Variants in TESK1 observed in about 807,000 individuals in gnomAD.
The protein encoded by TESK1 is testis associated actin remodelling kinase 1.
In TESK1, 18 loss-of-function variants were observed where a neutral mutation model predicts 59.9. The ratio of observed to expected loss-of-function variants is 0.30; its 90% CI spans 0.21 to 0.45. TESK1 has a LOEUF of 0.45. Ranked by LOEUF, TESK1 falls within the 20% of genes least tolerant of loss-of-function variation. The pLI, the probability that TESK1 is intolerant of heterozygous loss-of-function variation, is 1.00. For synonymous variants in TESK1, 341 were observed against 357.4 expected (o/e 0.95, Z 0.52); for missense variants, 748 against 840.9 (o/e 0.89, Z 1.37).
chr9:35,609,897 TTCCA>T lies in TESK1; in HGVS notation c.*156_*159del. 1 of 898,198 alleles carries T rather than the reference TTCCA, an allele frequency of 1.1e-6. No homozygotes were observed. Among genetic ancestry groups the T allele is most frequent in the Non-Finnish European group, 1.6e-6 (1 of 623,578 alleles). 55.6% of individuals were successfully genotyped at this position (898,198 alleles called of 1,614,324 possible). The stretch of plus-strand genomic sequence containing the variant: ...AGCATGGACTCAAGGGACAGAGCAC[TTCCA>T]GTCGACCCCCCGGCTCGCGTTCCCG... On this transcript the variant is annotated 3_prime_UTR_variant, in exon 10 of 10. Transcript: ENST00000336395. This position sits in a 1 kb window ranked among gnomAD's most constrained non-coding sequence, Gnocchi z 6.7.
chr9:35,607,058 G>A lies in TESK1; in HGVS notation c.537+75G>A. On this transcript the variant is annotated intron_variant, in intron 4 of 9. Transcript: ENST00000336395. The surrounding 1 kb of genome is among the most constrained non-coding windows in gnomAD (Gnocchi z 4.5). ...GGTTGTAACTGGCCTGTGGATGTTG[G>A]AATATGGATAACAGATATATTAGGA... The A allele has an allele frequency of 2.0e-6, 3 of 1,472,630 alleles. No individual in the cohort carries two copies. The highest frequency in any genetic ancestry group is 2.7e-5 in the South Asian group (2 of 74,662). The allele number at this position is 1,472,630 out of a possible 1,614,324, so 91.2% of individuals were successfully genotyped here.
chr9:35,605,763 G>T lies in TESK1; in HGVS notation c.144G>T (p.Val48=), dbSNP rs369094741. The T allele has an allele frequency of 6.2e-7, 1 of 1,609,290 alleles. No individual in the cohort carries two copies. Among genetic ancestry groups the T allele is most frequent in the Non-Finnish European group, 8.5e-7 (1 of 1,178,466 alleles). Residue 48 remains valine (V), a synonymous_variant, in exon 1 of 10, where the codon GTG becomes GTT. Coordinates refer to ENST00000336395, the MANE Select transcript of TESK1 (RefSeq NM_006285.3). ...CCTACCGGGCTCTCCGCAGCGCCGT[G>T]TCTAGCCTGGCGCGTGTGGACGATT... is the stretch of plus-strand genomic sequence containing the variant. ...PSSYRALRSA[V]SSLARVDDFH... is the part of the protein sequence containing the mutation.
Position 35,607,498 on chromosome 9 carries a change from C to A in TESK1, c.621-84C>A. 2 of 1,582,360 alleles carry A rather than the reference C, an allele frequency of 1.3e-6. No individual in the cohort carries two copies. Among genetic ancestry groups the A allele is most frequent in the East Asian group, 4.5e-5 (2 of 44,670 alleles). On this transcript the variant is annotated intron_variant, in intron 5 of 9. Coordinates refer to ENST00000336395, the MANE Select transcript of TESK1 (RefSeq NM_006285.3). The surrounding 1 kb of genome is among the most constrained non-coding windows in gnomAD (Gnocchi z 4.5). Reference sequence around the variant, plus strand: ...CCCCAGGGATGTTTCCCTTGGGGAACGGAGGGAGTTCACCTCATCCCCTTT... The same window carrying A: ...CCCCAGGGATGTTTCCCTTGGGGAAAGGAGGGAGTTCACCTCATCCCCTTT...
At position 35,609,571 on chromosome 9, in the gene TESK1, C is replaced by G; in HGVS notation, c.1710C>G (p.Gly570=). ...CCGATGAGGGGCTGCCCTGTCCTGG[C>G]TGCTGCCTCGGCCCCTTCAGCTTTG... ...REPDEGLPCP[G]CCLGPFSFGF... Residue 570 remains glycine, a synonymous_variant, in exon 10 of 10, where the codon GGC becomes GGG. Transcript: ENST00000336395. This position sits in a 1 kb window ranked among gnomAD's most constrained non-coding sequence, Gnocchi z 6.7. 1 of 1,613,590 alleles carries G rather than the reference C, an allele frequency of 6.2e-7. No homozygotes were observed. Among genetic ancestry groups the G allele is most frequent in the Non-Finnish European group, 8.5e-7 (1 of 1,179,860 alleles).
rs770477105 is a variant in TESK1 at position 35,609,517 on chromosome 9, C to G, written c.1656C>G (p.Pro552=). 2 of 1,610,030 alleles carry G rather than the reference C, an allele frequency of 1.2e-6. No homozygotes were observed. Among genetic ancestry groups the G allele is most frequent in the South Asian group, 2.2e-5 (2 of 90,470 alleles). ...PRAAALERTE[P]SPPPSAPREP... is the part of the protein sequence containing the mutation. ...CGGCAGCCCTGGAGCGGACAGAACC[C>G]TCGCCACCCCCTTCAGCTCCCCGGG... Residue 552 remains proline, a synonymous_variant, in exon 10 of 10, where the codon CCC becomes CCG. Transcript: ENST00000336395. This position sits in a 1 kb window ranked among gnomAD's most constrained non-coding sequence, Gnocchi z 6.7.
chr9:35,609,532 A>C lies in TESK1; in HGVS notation c.1671A>C (p.Ser557=), dbSNP rs1164963560. The C allele has an allele frequency of 3.7e-6, 6 of 1,611,760 alleles. No homozygotes were observed. The highest frequency in any genetic ancestry group is 5.1e-6 in the Non-Finnish European group (6 of 1,178,768). The part of the protein sequence containing the change: ...LERTEPSPPP[S]APREPDEGLP... ...GGACAGAACCCTCGCCACCCCCTTCAGCTCCCCGGGAGCCCGATGAGGGGC... is the reference window on the plus strand; with the variant it reads ...GGACAGAACCCTCGCCACCCCCTTCCGCTCCCCGGGAGCCCGATGAGGGGC... Residue 557 remains serine (S), a synonymous_variant, in exon 10 of 10, where the codon TCA becomes TCC. Coordinates refer to ENST00000336395, the MANE Select transcript of TESK1 (RefSeq NM_006285.3). This position sits in a 1 kb window ranked among gnomAD's most constrained non-coding sequence, Gnocchi z 6.7.
In TESK1 at chr9:35,606,873, T is replaced by A. The variant is rs1822859928; in HGVS notation, c.427T>A (p.Ser143Thr). ...NGGTLEQLLS[S>T]PEPLSWPVRL... Reference sequence around the variant, plus strand: ...GGGGACATTGGAACAGCTGCTCAGCTCCCCTGAACCCCTGTCCTGGCCGGT... The same window carrying A: ...GGGGACATTGGAACAGCTGCTCAGCACCCCTGAACCCCTGTCCTGGCCGGT... The change falls in exon 4 of 10, where the codon TCC becomes ACC. Residue 143 changes from serine to threonine, a missense_variant. Ser to Thr is a moderately conservative substitution (Grantham distance 58, BLOSUM62 1). Around this residue, in one of 3 missense-constraint regions of TESK1, gnomAD observed 168 missense variants for 257.4 expected, o/e 0.65. Transcript: ENST00000336395. The A allele has an allele frequency of 6.2e-7, 1 of 1,612,788 alleles. No individual in the cohort carries two copies. The highest frequency in any genetic ancestry group is 1.3e-5 in the African/African-American group (1 of 74,798).
At chr9:35,605,926 C>G in intron 1 of TESK1, 58 bp from the exon 2 acceptor site, 2 of 1,608,734 alleles carry the variant, frequency 1.2e-6, no homozygotes, top group Non-Finnish European at 1.7e-6. Flanking sequence ...GGAAGAGGGT[C>G]CAGACTCCGG....
At chr9:35,606,768 G>C (rs1031910006) in intron 3 of TESK1, 69 bp from the exon 4 acceptor site, 6 of 1,468,016 alleles carry the variant, frequency 4.1e-6, no homozygotes, top group Non-Finnish European at 5.6e-6. Context: ...GTCCCCTAGC[G>C]TGTAAGTGGG....
rs1392047965 is a variant in TESK1 at position 35,609,638 on chromosome 9, C to G, written c.1777C>G (p.Arg593Gly). The part of the protein sequence containing the change: ...MCPRPTPAVA[R>G]YRNLNCEAGS... ...CCCCCGCCCCACACCAGCTGTTGCC[C>G]GCTACCGCAACCTGAACTGTGAGGC... Residue 593 changes from arginine (R) to glycine (G), a missense_variant, in exon 10 of 10, where the codon CGC (arginine) becomes GGC (glycine). This residue lies in a region of TESK1 where 447 missense variants were observed against 466.1 expected (regional missense o/e 0.96). Transcript: ENST00000336395. This position sits in a 1 kb window ranked among gnomAD's most constrained non-coding sequence, Gnocchi z 6.7. 1 of 1,608,996 alleles carries G rather than the reference C, an allele frequency of 6.2e-7. No homozygotes were observed.
At chr9:35,608,832 G>A (rs1822906382) in intron 9 of TESK1, 30 bp from the exon 10 acceptor site, 1 of 1,549,256 alleles carries the variant, frequency 6.5e-7, no homozygotes, top group Non-Finnish European at 8.7e-7. Context: ...AAATGCTGAG[G>A]ACAGTGATTC....
In TESK1 at chr9:35,609,383, C is replaced by T; in HGVS notation, c.1522C>T (p.Pro508Ser). ...TTCCTCGGCCTCCCAACCCTGGTCCCCTAGATCAGGACCCGTCCTCAATAA... is the reference window on the plus strand; with the variant it reads ...TTCCTCGGCCTCCCAACCCTGGTCCTCTAGATCAGGACCCGTCCTCAATAA... Reference protein sequence around the residue: ...TCSSASQPWSPRSGPVLNNNP... With the variant: ...TCSSASQPWSSRSGPVLNNNP... The change falls in exon 10 of 10, where the codon CCT becomes TCT. Residue 508 changes from proline to serine, a missense_variant. Pro to Ser is a moderately conservative substitution (Grantham distance 74). This residue lies in a region of TESK1 where 447 missense variants were observed against 466.1 expected (regional missense o/e 0.96). Transcript: ENST00000336395. The surrounding 1 kb of genome is among the most constrained non-coding windows in gnomAD (Gnocchi z 6.7). The T allele has an allele frequency of 1.2e-6, 2 of 1,611,430 alleles. No homozygotes were observed. Among genetic ancestry groups the T allele is most frequent in the South Asian group, 1.1e-5 (1 of 90,768 alleles).
chr9:35,609,522 C>T lies in TESK1; in HGVS notation c.1661C>T (p.Pro554Leu). The T allele has an allele frequency of 1.9e-6, 3 of 1,610,784 alleles. No homozygotes were observed. Among genetic ancestry groups the T allele is most frequent in the Non-Finnish European group, 2.5e-6 (3 of 1,178,248 alleles). ...GCCCTGGAGCGGACAGAACCCTCGC[C>T]ACCCCCTTCAGCTCCCCGGGAGCCC... ...AAALERTEPSPPPSAPREPDE... is the reference protein window; with the variant it reads ...AAALERTEPSLPPSAPREPDE... Residue 554 changes from proline (P) to leucine (L), a missense_variant, in exon 10 of 10, where the codon CCA (proline) becomes CTA (leucine). Around this residue, in one of 3 missense-constraint regions of TESK1, gnomAD observed 447 missense variants for 466.1 expected, o/e 0.96. Transcript: ENST00000336395. This position sits in a 1 kb window ranked among gnomAD's most constrained non-coding sequence, Gnocchi z 6.7.
In TESK1 at chr9:35,608,398, G is replaced by C; in HGVS notation, c.889G>C (p.Glu297Gln). 1 of 1,614,064 alleles carries C rather than the reference G, an allele frequency of 6.2e-7. No homozygotes were observed. Among genetic ancestry groups the C allele is most frequent in the Non-Finnish European group, 8.5e-7 (1 of 1,179,996 alleles). Residue 297 changes from glutamate (E) to glutamine (Q), a missense_variant, in exon 9 of 10, where the codon GAA becomes CAA. Physicochemically the swap from Glu to Gln is conservative, Grantham distance 29 (BLOSUM62 2). Coordinates refer to ENST00000336395, the MANE Select transcript of TESK1 (RefSeq NM_006285.3). The stretch of plus-strand genomic sequence containing the variant: ...CGTTCCTGTCTCTACCCATCAGCTG[G>C]AACCCAGCACCCGTGCCCCCTTCAC... The part of the protein sequence containing the change: ...LLLAIHCCNL[E>Q]PSTRAPFTEI...
chr9:35,608,779 C>G, intron 9 of TESK1, 83 bp from the exon 10 acceptor site: 26 of 1,480,266 alleles, frequency 1.8e-5, no homozygotes, highest in Non-Finnish European at 2.4e-5. Flanking sequence ...TCTAGTCCCA[C>G]CAGCCTCCTG....
rs778487141 is a variant in TESK1, at chr9:35,607,541, T to C, written c.621-41T>C. 1.3e-5 allele frequency: 20 copies of C among 1,588,104 alleles called. No homozygotes were observed. The East Asian group carries it at 4.5e-4, about 36-fold the overall frequency. ...TCCCCTTTTGCCTGGGGGGGATGCC[T>C]GAATAGGATGCTTCTGACCACTCTG... On this transcript the variant is annotated intron_variant, in intron 5 of 9. Transcript: ENST00000336395. The surrounding 1 kb of genome is among the most constrained non-coding windows in gnomAD (Gnocchi z 4.5).
Position 35,607,186 on chromosome 9 carries a change from C to T in TESK1, c.538-141C>T. 7.9e-7 allele frequency: 1 copy of T among 1,271,448 alleles called. No homozygotes were observed. The highest frequency in any genetic ancestry group is 1.1e-6 in the Non-Finnish European group (1 of 899,440). 78.8% of individuals were successfully genotyped at this position (1,271,448 alleles called of 1,614,324 possible). ...GTGTTTGGAGTGTTGGATGATGTTGCAATATTGAAGTGCCTTGAAAAACTG... is the reference window on the plus strand; with the variant it reads ...GTGTTTGGAGTGTTGGATGATGTTGTAATATTGAAGTGCCTTGAAAAACTG... On this transcript the variant is annotated intron_variant, in intron 4 of 9. Transcript: ENST00000336395. The surrounding 1 kb of genome is among the most constrained non-coding windows in gnomAD (Gnocchi z 4.5).
intron 7 of TESK1, 43 bp from the exon 8 acceptor site, chr9:35,608,117 C>T (rs762468844): frequency 1.9e-6 from 3 of 1,611,498 alleles, no homozygotes; most frequent in Non-Finnish European, 2.5e-6. Flanking sequence ...GAAGGAGAAC[C>T]CAAGAAAAGC....
In TESK1 at chr9:35,606,902, G is replaced by C; in HGVS notation, c.456G>C (p.Arg152Ser). 6.2e-7 allele frequency: 1 copy of C among 1,613,860 alleles called. No homozygotes were observed. Among genetic ancestry groups the C allele is most frequent in the Non-Finnish European group, 8.5e-7 (1 of 1,179,858 alleles). ...CTGAACCCCTGTCCTGGCCGGTCAGGCTCCACCTGGCCCTGGACATTGCCC... is the reference window on the plus strand; with the variant it reads ...CTGAACCCCTGTCCTGGCCGGTCAGCCTCCACCTGGCCCTGGACATTGCCC... ...SSPEPLSWPV[R>S]LHLALDIARG... Residue 152 changes from arginine to serine, a missense_variant, in exon 4 of 10, where the codon AGG becomes AGC. Arg to Ser is a moderately radical substitution (Grantham distance 110). Coordinates refer to ENST00000336395, the MANE Select transcript of TESK1 (RefSeq NM_006285.3).
Sources: allele counts gnomAD v4.1 joint callset, GRCh38; gene constraint gnomAD v4.1.1; regional missense constraint gnomAD v4.1.1; non-coding constraint Gnocchi (gnomAD v3.1); transcripts MANE v1.5; gene names NCBI Gene and HGNC (gene_info 2026-07-23, HGNC 2026-07-21).